Variants in CCSER1 observed in about 807,000 individuals in gnomAD.
The protein encoded by CCSER1 is serine-rich coiled-coil domain-containing protein 1.
CCSER1 carries 41 observed loss-of-function variants against 82.0 expected under a neutral mutation model. The ratio of observed to expected loss-of-function variants is 0.50; its 90% CI spans 0.39 to 0.65. The LOEUF (loss-of-function observed/expected upper bound fraction) is 0.65. CCSER1 is among the 30% of genes least tolerant of loss of function. The probability of loss-of-function intolerance (pLI) is 0.00; values close to 1 mark genes in which losing one functional copy is unlikely to be tolerated. For missense variants in CCSER1, 1,119 were observed against 1,064.2 expected (o/e 1.05, Z -0.72); for synonymous variants, 414 against 383.9 (o/e 1.08, Z -0.92).
chr4:90,945,148 G>T (rs1328650618), intron 9 of CCSER1, among the ~76,000 whole-genome samples: 1 of 151,910 alleles, frequency 6.6e-6, no homozygotes, highest in Non-Finnish European at 1.5e-5. Flanking sequence ...GAAGGACAAA[G>T]AATTTAGTGA....
chr4:91,058,767 T>C (rs1035789569), intron 9 of CCSER1, among the ~76,000 whole-genome samples: 1 of 152,094 alleles, frequency 6.6e-6, no homozygotes, highest in African/African-American at 2.4e-5. Flanking sequence ...GATTTTTTTA[T>C]GTAATAGATA....
At chr4:91,442,084 C>T (rs1253372334) in intron 10 of CCSER1, among the ~76,000 whole-genome samples, 1 of 151,988 alleles carries the variant, frequency 6.6e-6, no homozygotes, top group African/African-American at 2.4e-5. Flanking sequence ...CCCCATCAAG[C>T]TACCAATGAC....
chr4:90,187,427 C>T (rs1305559004), intron 1 of CCSER1, among the ~76,000 whole-genome samples: 3 of 146,254 alleles, frequency 2.1e-5, no homozygotes, highest in African/African-American at 5.1e-5. Flanking sequence ...CCTCCCTTAT[C>T]GGATTTCACT....
intron 10 of CCSER1, among the ~76,000 whole-genome samples, chr4:91,524,746 T>C (rs1760684088): frequency 6.6e-6 from 1 of 152,072 alleles, no homozygotes; most frequent in African/African-American, 2.4e-5. Flanking sequence ...AAAACAAGTA[T>C]CCCACTTGTA....
At chr4:90,619,569 C>T (rs1188839766) in intron 5 of CCSER1, among the ~76,000 whole-genome samples, 1 of 151,906 alleles carries the variant, frequency 6.6e-6, no homozygotes, top group Non-Finnish European at 1.5e-5. Flanking sequence ...GATTTATTTC[C>T]ATCTATATGA....
intron 9 of CCSER1, among the ~76,000 whole-genome samples, chr4:90,993,626 A>T (rs1381408920): frequency 6.6e-6 from 1 of 151,470 alleles, no homozygotes; most frequent in Non-Finnish European, 1.5e-5. Flanking sequence ...GAAGTCTAAG[A>T]TAAGGTATCA....
chr4:91,066,692 T>TTCTCTA (rs1338460525), intron 9 of CCSER1, among the ~76,000 whole-genome samples: 1 of 152,200 alleles, frequency 6.6e-6, no homozygotes, highest in Non-Finnish European at 1.5e-5. Context: ...AGAAATCATA[T>TTCTCTA]TCTCTATCTC....
intron 9 of CCSER1, among the ~76,000 whole-genome samples, chr4:90,995,329 T>G (rs1182049148): frequency 6.6e-6 from 1 of 152,138 alleles, no homozygotes; most frequent in African/African-American, 2.4e-5. Flanking sequence ...CCATTAGTTT[T>G]TGGACATTGC....
At chr4:90,591,958 C>T (rs1782756955) in intron 5 of CCSER1, among the ~76,000 whole-genome samples, 1 of 152,132 alleles carries the variant, frequency 6.6e-6, no homozygotes, top group Admixed American at 6.5e-5. Flanking sequence ...ACCACATGTT[C>T]TCACTCATAA....
intron 10 of CCSER1, among the ~76,000 whole-genome samples, chr4:91,311,488 GACA>G (rs991717676): frequency 4.0e-5 from 6 of 151,770 alleles, no homozygotes; most frequent in African/African-American, 9.7e-5. Flanking sequence ...CAGCAGTAAC[GACA>G]ACAAGTTTAC....
intron 8 of CCSER1, among the ~76,000 whole-genome samples, chr4:90,828,490 G>C (rs1760753007): frequency 1.3e-5 from 2 of 152,080 alleles, no homozygotes; most frequent in Non-Finnish European, 2.9e-5. Flanking sequence ...TTACTCAGTG[G>C]ATGAACAAAA....
intron 10 of CCSER1, among the ~76,000 whole-genome samples, chr4:91,375,599 TTTC>T (rs1353008663): frequency 6.6e-6 from 1 of 152,022 alleles, no homozygotes; most frequent in Non-Finnish European, 1.5e-5. Context: ...CTACAATGCT[TTTC>T]ATGGGGAAAG....
At chr4:91,366,208 A>G (rs1749602948) in intron 10 of CCSER1, among the ~76,000 whole-genome samples, 3 of 152,080 alleles carry the variant, frequency 2.0e-5, no homozygotes, top group Admixed American at 1.3e-4. Flanking sequence ...TTTAGTAGAA[A>G]TTGGGTTTCA....
intron 1 of CCSER1, among the ~76,000 whole-genome samples, chr4:90,155,364 G>A (rs939475307): frequency 6.6e-6 from 1 of 152,018 alleles, no homozygotes; most frequent in Non-Finnish European, 1.5e-5. Context: ...TCTCTGCCCG[G>A]CTTTGCTATC....
At chr4:90,243,535 C>T (rs1720792984) in intron 1 of CCSER1, among the ~76,000 whole-genome samples, 1 of 151,674 alleles carries the variant, frequency 6.6e-6, no homozygotes. Flanking sequence ...GTGTGAGCCA[C>T]TGCTCCCGGC....
Position 90,665,384 on chromosome 4 carries a change from T to C in CCSER1, c.1932+37152T>C, listed in dbSNP as rs112674419. ...TCGCCCAGGCTGGAGTGCAGTGGCGTGATCTCGGCTCACTGCAGGCTCCGC... is the reference window on the plus strand; with the variant it reads ...TCGCCCAGGCTGGAGTGCAGTGGCGCGATCTCGGCTCACTGCAGGCTCCGC... On this transcript the variant is annotated intron_variant, in intron 6 of 10. Transcript: ENST00000509176. Among the ~76,000 whole-genome samples, 306 of 151,500 alleles carry C rather than the reference T, an allele frequency of 2.0e-3. 3 individuals carry two copies. Among genetic ancestry groups the C allele is most frequent in the African/African-American group, 1.5e-3 (63 of 41,264 alleles).
intron 10 of CCSER1, among the ~76,000 whole-genome samples, chr4:91,572,075 G>A (rs566233606): frequency 3.9e-5 from 6 of 152,172 alleles, no homozygotes; most frequent in Admixed American, 6.5e-5. Context: ...CTACTGGCTC[G>A]ATAACTCTGG....
intron 4 of CCSER1, among the ~76,000 whole-genome samples, chr4:90,446,535 G>A (rs2153575791): frequency 6.6e-6 from 1 of 152,168 alleles, no homozygotes; most frequent in African/African-American, 2.4e-5. Context: ...GGTAGTGCAA[G>A]GAAGGAGCAG....
chr4:91,148,929 G>C (rs1729830782), intron 10 of CCSER1, among the ~76,000 whole-genome samples: 1 of 152,114 alleles, frequency 6.6e-6, no homozygotes. Context: ...ATTGTGAATA[G>C]TGCCACAATA....
Sources: allele counts gnomAD v4.1 joint callset (sites outside exome capture counted in the v4.1 genomes callset), GRCh38; gene constraint gnomAD v4.1.1; transcripts MANE v1.5; gene names NCBI Gene and HGNC (gene_info 2026-07-23, HGNC 2026-07-21).